The following L3MBTL2 variants were observed in gnomAD, a reference collection of about 807,000 sequenced individuals.
L3MBTL2 encodes the protein lethal(3)malignant brain tumor-like protein 2.
A neutral mutation model predicts 86.4 loss-of-function variants in L3MBTL2; 49 were observed. That is an observed-to-expected ratio of 0.57 (90% CI 0.45 to 0.72). L3MBTL2 has a LOEUF of 0.72. Ranked by LOEUF, L3MBTL2 falls within the 30% of genes least tolerant of loss-of-function variation. The pLI is 0.00. For synonymous variants in L3MBTL2, 336 were observed against 350.6 expected (o/e 0.96, Z 0.47); for missense variants, 755 against 923.7 (o/e 0.82, Z 2.37).
intron 15 of L3MBTL2, chr22:41,228,586 C>T (rs1333730767): frequency 1.1e-6 from 1 of 905,296 alleles, no homozygotes; most frequent in African/African-American, 1.8e-5. Flanking sequence ...CGCGGTGGCT[C>T]ACACCTGTAA....
In L3MBTL2 at chr22:41,205,437, C is replaced by T. The variant is rs769096718; in HGVS notation, c.24+51C>T. 4 of 1,606,884 alleles carry T rather than the reference C, an allele frequency of 2.5e-6. No individual in the cohort carries two copies. In the Admixed American group the frequency reaches 6.7e-5, roughly 27 times the overall value. ...CTGGGAAAGGGAACTCCGAGAGCCT[C>T]GCTCCGTGGGCCCTTCTTTAGGGCT... On this transcript the variant is annotated intron_variant, in intron 1 of 16. Coordinates refer to ENST00000216237, the MANE Select transcript of L3MBTL2 (RefSeq NM_031488.5).
intron 15 of L3MBTL2, chr22:41,228,174 G>GA (rs1165726637): frequency 1.0e-6 from 1 of 985,288 alleles, no homozygotes; most frequent in Non-Finnish European, 1.2e-6. Flanking sequence ...CCCATGTTCA[G>GA]AAAAAAACAG....
In L3MBTL2 at chr22:41,226,847, ACTG is replaced by A; in HGVS notation, c.1587+107_1587+109del. 3.3e-6 allele frequency: 3 copies of A among 916,170 alleles called. No individual in the cohort carries two copies. In the Admixed American group the frequency reaches 7.2e-5, roughly 22 times the overall value. 56.8% of individuals were successfully genotyped at this position (916,170 alleles called of 1,614,324 possible). ...TTCCTACTCTTTCTCTCGAATCTCT[ACTG>A]CTGACATCAGCCACTTTCAGGGGGA... is the stretch of plus-strand genomic sequence containing the variant. On this transcript the variant is annotated intron_variant, in intron 13 of 16. Coordinates refer to ENST00000216237, the MANE Select transcript of L3MBTL2 (RefSeq NM_031488.5).
chr22:41,211,856 CTTTTTTTTT>C (rs35869187), intron 2 of L3MBTL2, among the ~76,000 whole-genome samples: 9 of 67,900 alleles, frequency 1.3e-4, no homozygotes, highest in African/African-American at 4.5e-4. Context: ...CGCACCCGGC[CTTTTTTTTT>C]TTTTTTTTTT....
Position 41,225,178 on chromosome 22 carries a change from C to A in L3MBTL2, c.1356+107C>A. The A allele has an allele frequency of 1.2e-6, 1 of 823,290 alleles. No homozygotes were observed. Among genetic ancestry groups the A allele is most frequent in the Non-Finnish European group, 1.9e-6 (1 of 523,478 alleles). 51.0% of individuals were successfully genotyped at this position (823,290 alleles called of 1,614,324 possible). ...ACCGTCAGGGGGTCTGTGTCCCAGCCTCTCATCACTGGCTGCACCCAGAGT... is the reference window on the plus strand; with the variant it reads ...ACCGTCAGGGGGTCTGTGTCCCAGCATCTCATCACTGGCTGCACCCAGAGT... On this transcript the variant is annotated intron_variant, in intron 11 of 16. Transcript: ENST00000216237. This position sits in a 1 kb window ranked among gnomAD's most constrained non-coding sequence, Gnocchi z 4.1.
At chr22:41,215,916 G>C (rs1806014536) in intron 3 of L3MBTL2, among the ~76,000 whole-genome samples, 1 of 152,194 alleles carries the variant, frequency 6.6e-6, no homozygotes, top group African/African-American at 2.4e-5. Flanking sequence ...GTCTCTCCCT[G>C]CTCTGCAGCA....
chr22:41,229,829 A>G (rs2032460625), intron 16 of L3MBTL2, 173 bp downstream of exon 16: 3 of 1,105,966 alleles, frequency 2.7e-6, no homozygotes, highest in Admixed American at 4.0e-5. Flanking sequence ...CACGCCCCCA[A>G]CTGTGAATGG....
chr22:41,224,730 C>T lies in L3MBTL2; in HGVS notation c.1180C>T (p.Arg394Ter), dbSNP rs2032066095. 5.0e-6 allele frequency: 8 copies of T among 1,612,762 alleles called. No homozygotes were observed. Among genetic ancestry groups the T allele is most frequent in the Non-Finnish European group, 6.8e-6 (8 of 1,178,752 alleles). Residue 394 changes from arginine (R) to a stop codon, truncating the protein, a stop_gained, in exon 10 of 17, where the codon CGA (arginine) becomes TGA (stop). Transcript: ENST00000216237. LOFTEE classifies it high-confidence loss of function. This position sits in a 1 kb window ranked among gnomAD's most constrained non-coding sequence, Gnocchi z 4.9. ...CCTATCCATCTCCTCCAAAGAGAGGCGAAGTGACATGGCCCATCACCCCAC... is the reference window on the plus strand; with the variant it reads ...CCTATCCATCTCCTCCAAAGAGAGGTGAAGTGACATGGCCCATCACCCCAC... Reference protein sequence around the residue: ...VGHGIKMSERRSDMAHHPTFR... With the variant: ...VGHGIKMSER
rs2030133607 is a variant in L3MBTL2 at position 41,205,496 on chromosome 22, A to C, written c.24+110A>C. ...CGCCTGGAGGGTGGAGGGTGGGAGGATGGATAAACTGAGGTAGTTAAACTG... is the reference window on the plus strand; with the variant it reads ...CGCCTGGAGGGTGGAGGGTGGGAGGCTGGATAAACTGAGGTAGTTAAACTG... On this transcript the variant is annotated intron_variant, in intron 1 of 16. Transcript: ENST00000216237. 3 of 1,295,348 alleles carry C rather than the reference A, an allele frequency of 2.3e-6. No individual in the cohort carries two copies. The East Asian group carries it at 6.9e-5, about 30-fold the overall frequency. The allele number at this position is 1,295,348 out of a possible 1,614,324, so 80.2% of individuals were successfully genotyped here. A position where few individuals can be genotyped will look rare whatever the true frequency, so the allele number is the denominator to read the frequency against.
Position 41,225,691 on chromosome 22 carries a change from G to T in L3MBTL2, c.1357-103G>T, listed in dbSNP as rs1008057470. 7.8e-7 allele frequency: 1 copy of T among 1,282,862 alleles called. No homozygotes were observed. Among genetic ancestry groups the T allele is most frequent in the Non-Finnish European group, 1.1e-6 (1 of 926,258 alleles). The allele number at this position is 1,282,862 out of a possible 1,614,324, so 79.5% of individuals were successfully genotyped here. A position where few individuals can be genotyped will look rare whatever the true frequency, so the allele number is the denominator to read the frequency against. On this transcript the variant is annotated intron_variant, in intron 11 of 16. Coordinates refer to ENST00000216237, the MANE Select transcript of L3MBTL2 (RefSeq NM_031488.5). The surrounding 1 kb of genome is among the most constrained non-coding windows in gnomAD (Gnocchi z 4.1). ...TCCAGGAGGGCCATGCCCTAGATCC[G>T]TTTGGATCCATTTGCCTCGTGTCCC...
At chr22:41,223,268 C>T (rs2031956283) in intron 8 of L3MBTL2, among the ~76,000 whole-genome samples, 1 of 152,330 alleles carries the variant, frequency 6.6e-6, no homozygotes, top group Admixed American at 6.5e-5. Flanking sequence ...GCTGGTTCTT[C>T]CTGACCCAGC....
chr22:41,210,134 G>C, intron 2 of L3MBTL2: 2 of 287,784 alleles, frequency 6.9e-6, no homozygotes. Flanking sequence ...CTTTGCTGAA[G>C]TCTAATTTCT....
intron 1 of L3MBTL2, among the ~76,000 whole-genome samples, chr22:41,207,531 C>G (rs957159745): frequency 2.6e-5 from 4 of 152,018 alleles, no homozygotes; most frequent in African/African-American, 9.7e-5. Flanking sequence ...CCCCCAAACC[C>G]TATGAAATAG....
Position 41,230,767 on chromosome 22 carries a change from C to T in L3MBTL2, c.*516C>T, listed in dbSNP as rs1286741085. 1.3e-5 allele frequency: 2 copies of T among 153,914 alleles called. No individual in the cohort carries two copies. The highest frequency in any genetic ancestry group is 2.9e-5 in the Non-Finnish European group (2 of 69,378). The allele number at this position is 153,914 out of a possible 1,614,324, so 9.5% of individuals were successfully genotyped here. On this transcript the variant is annotated 3_prime_UTR_variant, in exon 17 of 17. Transcript: ENST00000216237. The stretch of plus-strand genomic sequence containing the variant: ...CTCAAAAATTCACCAAGCAGAATGC[C>T]TCTCAGCCTCATGTGTTGGTCCTCT...
chr22:41,228,592 T>C (rs2032355323), intron 15 of L3MBTL2: 1 of 858,108 alleles, frequency 1.2e-6, no homozygotes. Context: ...GGCTCACACC[T>C]GTAATCCCAT....
At position 41,227,181 on chromosome 22, in the gene L3MBTL2, A is replaced by C; in HGVS notation, c.1680A>C (p.Arg560=). The C allele has an allele frequency of 1.2e-6, 2 of 1,613,706 alleles. No homozygotes were observed. Among genetic ancestry groups the C allele is most frequent in the Non-Finnish European group, 1.7e-6 (2 of 1,180,006 alleles). The part of the protein sequence containing the change: ...PRLICVATVK[R]VVHRLLSIHF... ...TCATCTGTGTGGCCACGGTGAAACGAGTGGTGCATCGGCTCCTCAGCATCC... is the reference window on the plus strand; with the variant it reads ...TCATCTGTGTGGCCACGGTGAAACGCGTGGTGCATCGGCTCCTCAGCATCC... Residue 560 remains arginine (R), a synonymous_variant, in exon 14 of 17, where the codon CGA becomes CGC. Transcript: ENST00000216237. This position sits in a 1 kb window ranked among gnomAD's most constrained non-coding sequence, Gnocchi z 6.0.
chr22:41,227,812 A>G lies in L3MBTL2; in HGVS notation c.1831A>G (p.Thr611Ala). The change falls in exon 15 of 17, where the codon ACA (threonine) becomes GCA (alanine). Residue 611 changes from threonine to alanine, a missense_variant. Physicochemically the swap from Thr to Ala is moderately conservative, Grantham distance 58. Around this residue, in one of 3 missense-constraint regions of L3MBTL2, gnomAD observed 634 missense variants for 748.9 expected, o/e 0.85. Transcript: ENST00000216237. The surrounding 1 kb of genome is among the most constrained non-coding windows in gnomAD (Gnocchi z 6.0). ...LQPPVAAEPA[T>A]PLKAKEATKK... is the part of the protein sequence containing the mutation. ...TTGTCTTTCAACAACAGAACCGGCCACACCGCTGAAGGCCAAAGAGGCCAC... is the reference window on the plus strand; with the variant it reads ...TTGTCTTTCAACAACAGAACCGGCCGCACCGCTGAAGGCCAAAGAGGCCAC... 6.2e-7 allele frequency: 1 copy of G among 1,613,562 alleles called. No homozygotes were observed. The highest frequency in any genetic ancestry group is 8.5e-7 in the Non-Finnish European group (1 of 1,179,754).
chr22:41,216,036 G>A, intron 3 of L3MBTL2, 103 bp from the exon 4 acceptor site: 1 of 1,294,296 alleles, frequency 7.7e-7, no homozygotes, highest in South Asian at 1.4e-5. Context: ...GCCCAAAAGA[G>A]GTTAAGTCAC....
intron 4 of L3MBTL2, 47 bp downstream of exon 4, chr22:41,216,309 G>A: frequency 6.3e-7 from 1 of 1,596,334 alleles, no homozygotes; most frequent in Middle Eastern, 1.7e-4. Context: ...TGGCTGGGGA[G>A]GAGACTGGGT....
Sources: allele counts gnomAD v4.1 joint callset (sites outside exome capture counted in the v4.1 genomes callset), GRCh38; gene constraint gnomAD v4.1.1; regional missense constraint gnomAD v4.1.1; non-coding constraint Gnocchi (gnomAD v3.1); transcripts MANE v1.5; gene names NCBI Gene and HGNC (gene_info 2026-07-23, HGNC 2026-07-21).